The following GLT1D1 variants were observed in gnomAD, a reference collection of about 807,000 sequenced individuals.
The protein encoded by GLT1D1 is glycosyltransferase 1 domain containing 1, also known as glycosyltransferase 1 domain-containing protein 1.
A neutral mutation model predicts 28.7 loss-of-function variants in GLT1D1; 21 were observed. The ratio of observed to expected loss-of-function variants is 0.73; its 90% confidence interval spans 0.52 to 1.05. The LOEUF is 1.05. GLT1D1 is among the 50% of genes least tolerant of loss of function. The probability of loss-of-function intolerance (pLI) is 0.00; values close to 1 mark genes in which losing one functional copy is unlikely to be tolerated. For missense variants in GLT1D1, 343 were observed against 330.6 expected (o/e 1.04, Z -0.29); for synonymous variants, 147 against 124.8 (o/e 1.18, Z -1.19).
intron 1 of GLT1D1, among the ~76,000 whole-genome samples, chr12:128,874,174 CT>C (rs1317963387): frequency 1.6e-5 from 2 of 123,036 alleles, no homozygotes; most frequent in African/African-American, 6.3e-5. Flanking sequence ...TTCTTTCTTT[CT>C]TTTTTTCTCT....
chr12:128,908,656 AT>A, intron 4 of GLT1D1, among the ~76,000 whole-genome samples: 1 of 134,294 alleles, frequency 7.4e-6, no homozygotes, highest in South Asian at 2.4e-4. Context: ...AGGAAGGAAA[AT>A]AAACACGACA....
In GLT1D1 at chr12:128,958,406, G is replaced by T. The variant is rs578081727; in HGVS notation, c.639+763G>T. On this transcript the variant is annotated intron_variant, in intron 7 of 7. Transcript: ENST00000281703. ...GAGCTTAGAGGTGCACATGAAACATGCTCAGAGCTCAGTAAACACGGATAT... is the reference window on the plus strand; with the variant it reads ...GAGCTTAGAGGTGCACATGAAACATTCTCAGAGCTCAGTAAACACGGATAT... Among the ~76,000 whole-genome samples the T allele has an allele frequency of 2.0e-5, 3 of 152,116 alleles. No individual in the cohort carries two copies. The South Asian group carries it at 6.2e-4, about 32-fold the overall frequency.
At chr12:128,909,629 G>A (rs1871321106) in intron 4 of GLT1D1, among the ~76,000 whole-genome samples, 1 of 152,166 alleles carries the variant, frequency 6.6e-6, no homozygotes, top group Non-Finnish European at 1.5e-5. Flanking sequence ...GTTTCCATTT[G>A]CAGAAAGTTT....
intron 4 of GLT1D1, among the ~76,000 whole-genome samples, chr12:128,921,981 T>C (rs1039052058): frequency 2.0e-5 from 3 of 152,070 alleles, no homozygotes; most frequent in African/African-American, 7.2e-5. Context: ...TTGGTACCTT[T>C]GTGATTCTCC....
chr12:128,894,025 TC>T (rs1236434626), intron 3 of GLT1D1, among the ~76,000 whole-genome samples: 11 of 152,324 alleles, frequency 7.2e-5, no homozygotes, highest in Middle Eastern at 3.4e-3. Flanking sequence ...CAGGATAAAG[TC>T]TATTCCCCCA....
At chr12:128,922,162 CTGTGTGTG>C (rs57835879) in intron 4 of GLT1D1, among the ~76,000 whole-genome samples, 9 of 148,796 alleles carry the variant, frequency 6.0e-5, no homozygotes, top group Non-Finnish European at 1.0e-4. Flanking sequence ...TATGTAAACT[CTGTGTGTG>C]TGTGTGTGTG....
In GLT1D1 at chr12:128,942,735, G is replaced by GTTTTTTT. The variant is rs1397894974; in HGVS notation, c.376-2588_376-2587insTTTTTTT. 8.6e-4 allele frequency among the ~76,000 whole-genome samples: 77 copies of GTTTTTTT among 89,522 alleles called. 18 individuals are homozygous for GTTTTTTT. The highest frequency in any genetic ancestry group is 3.0e-3 in the African/African-American group (70 of 23,132). 58.7% of individuals were successfully genotyped at this position (89,522 alleles called of 152,430 possible). ...ATCACTTTAGATTCCAATTTTCTTT[G>GTTTTTTT]TTTGTTTGTTTTTGTTTTTTGTTTT... is the stretch of plus-strand genomic sequence containing the variant. On this transcript the variant is annotated intron_variant, in intron 4 of 7. Coordinates refer to ENST00000281703, the MANE Select transcript of GLT1D1 (RefSeq NM_144669.3).
At chr12:128,873,728 A>G (rs1302875608) in intron 1 of GLT1D1, among the ~76,000 whole-genome samples, 2 of 152,100 alleles carry the variant, frequency 1.3e-5, no homozygotes, top group Non-Finnish European at 2.9e-5. Context: ...GCTGATATTG[A>G]GCATCATTTT....
intron 1 of GLT1D1, among the ~76,000 whole-genome samples, chr12:128,871,904 T>A (rs1468872331): frequency 6.6e-6 from 1 of 152,152 alleles, no homozygotes; most frequent in Non-Finnish European, 1.5e-5. Flanking sequence ...TCTGGATGAT[T>A]TAAGAGATTT....
intron 1 of GLT1D1, among the ~76,000 whole-genome samples, chr12:128,867,419 G>GAAAAAAAA (rs1318656397): frequency 1.3e-4 from 14 of 111,816 alleles, no homozygotes; most frequent in South Asian, 5.8e-4. Context: ...AAAAAAAACA[G>GAAAAAAAA]AAAAAAAAAA....
intron 1 of GLT1D1, among the ~76,000 whole-genome samples, chr12:128,874,109 TC>T (rs1956793037): frequency 3.4e-5 from 2 of 58,516 alleles, no homozygotes; most frequent in Admixed American, 2.3e-4. Flanking sequence ...TCTCTCTCTC[TC>T]TCTCTCTCTC....
intron 4 of GLT1D1, 153 bp downstream of exon 8, chr12:128,927,307 C>CG: frequency 1.7e-6 from 1 of 581,218 alleles, no homozygotes; most frequent in Non-Finnish European, 3.0e-6. Context: ...GGCGTGATCT[C>CG]GGCTCACTGC....
chr12:128,979,322 G>T (rs1880096799), intron 7 of GLT1D1, among the ~76,000 whole-genome samples: 1 of 152,144 alleles, frequency 6.6e-6, no homozygotes, highest in South Asian at 2.1e-4. Context: ...GTGGGTCCTC[G>T]GCTTGGGGCC....
chr12:128,915,367 ATTTT>A (rs111881790), intron 4 of GLT1D1, among the ~76,000 whole-genome samples: 1 of 143,778 alleles, frequency 7.0e-6, no homozygotes, highest in African/African-American at 2.6e-5. Context: ...TATGCAACAC[ATTTT>A]TTTTTTTTTT....
rs538516861 is a variant in GLT1D1 at position 128,941,602 on chromosome 12, T to G, written c.376-3724T>G. Among the ~76,000 whole-genome samples, 612 of 136,080 alleles carry G rather than the reference T, an allele frequency of 4.5e-3. 10 individuals carry two copies. The highest frequency in any genetic ancestry group is 0.016 in the African/African-American group (573 of 35,228). 89.3% of individuals were successfully genotyped at this position (136,080 alleles called of 152,430 possible). A position where few individuals can be genotyped will look rare whatever the true frequency, so the allele number is the denominator to read the frequency against. The stretch of plus-strand genomic sequence containing the variant: ...TTTTTTTTTTTTTTGAGACAGAGTC[T>G]CACTCTGTTACCTAGGCTGGAGTGC... On this transcript the variant is annotated intron_variant, in intron 4 of 7. Coordinates refer to ENST00000281703, the MANE Select transcript of GLT1D1 (RefSeq NM_144669.3).
At chr12:128,956,929 A>C (rs1877370689) in intron 6 of GLT1D1, among the ~76,000 whole-genome samples, 1 of 152,132 alleles carries the variant, frequency 6.6e-6, no homozygotes, top group South Asian at 2.1e-4. Flanking sequence ...GAACCCGCAA[A>C]ATGCCTCCTT....
chr12:128,959,421 C>CGGGGG (rs1331322937), intron 7 of GLT1D1, among the ~76,000 whole-genome samples: 8 of 9,942 alleles, frequency 8.0e-4, no homozygotes, highest in East Asian at 0.013. Context: ...TGGGGGGGGA[C>CGGGGG]GGGTGGGGAG....
At chr12:128,981,892 C>T (rs534308589) in intron 7 of GLT1D1, among the ~76,000 whole-genome samples, 1 of 152,144 alleles carries the variant, frequency 6.6e-6, no homozygotes, top group Non-Finnish European at 1.5e-5. Flanking sequence ...CTGCCGCTCA[C>T]GTGAAGGGTA....
chr12:128,967,704 A>C (rs1878593416), intron 7 of GLT1D1, among the ~76,000 whole-genome samples: 2 of 152,228 alleles, frequency 1.3e-5, no homozygotes, highest in Non-Finnish European at 2.9e-5. Flanking sequence ...TCTTACTTCG[A>C]GTTACGTTCT....
Sources: allele counts gnomAD v4.1 joint callset (sites outside exome capture counted in the v4.1 genomes callset), GRCh38; gene constraint gnomAD v4.1.1; transcripts MANE v1.5; gene names NCBI Gene and HGNC (gene_info 2026-07-23, HGNC 2026-07-21).